The following ATRNL1 variants were observed in gnomAD, a reference collection of about 807,000 sequenced individuals.
The protein encoded by ATRNL1 is attractin-like protein 1.
ATRNL1 carries 95 observed loss-of-function variants against 182.7 expected under a neutral mutation model. The observed-to-expected ratio is 0.52, with a 90% CI of 0.44 to 0.62. ATRNL1 has a LOEUF of 0.62. Among genes scored for constraint, ATRNL1 ranks in the 20% least tolerant of loss-of-function variants. The probability of loss-of-function intolerance (pLI) is 0.00; values close to 1 mark genes in which losing one functional copy is unlikely to be tolerated. For missense variants in ATRNL1, 1,471 were observed against 1,679.5 expected, an observed-to-expected ratio of 0.88 and a Z score of 2.17; for synonymous variants, 576 against 568.3, an observed-to-expected ratio of 1.01 and a Z score of -0.19.
In ATRNL1 at chr10:115,527,521, G is replaced by A. The variant is rs528870079; in HGVS notation, c.3716+8197G>A. Reference sequence around the variant, plus strand: ...CTGTAAAAAATGATTTTGGTAATGTGTTTGTATTTATTTTTGTGTAGTTTA... The same window carrying A: ...CTGTAAAAAATGATTTTGGTAATGTATTTGTATTTATTTTTGTGTAGTTTA... On this transcript the variant is annotated intron_variant, in intron 25 of 28. Coordinates refer to ENST00000355044, the MANE Select transcript of ATRNL1 (RefSeq NM_207303.4). 2.0e-5 allele frequency among the ~76,000 whole-genome samples: 3 copies of A among 152,106 alleles called. No homozygotes were observed. The East Asian group carries it at 5.8e-4, about 30-fold the overall frequency.
At chr10:115,899,209 C>T (rs140315928) in intron 28 of ATRNL1, among the ~76,000 whole-genome samples, 33 of 152,102 alleles carry the variant, frequency 2.2e-4, no homozygotes, top group African/African-American at 7.7e-4. Flanking sequence ...TTGTTCAATT[C>T]CCATCTATGA....
intron 9 of ATRNL1, among the ~76,000 whole-genome samples, chr10:115,226,859 A>G (rs1226013706): frequency 6.6e-6 from 1 of 152,160 alleles, no homozygotes; most frequent in African/African-American, 2.4e-5. Flanking sequence ...ATGATGCTGG[A>G]TAACTGGCTA....
chr10:115,777,933 T>G (rs1367047262), intron 27 of ATRNL1, among the ~76,000 whole-genome samples: 1 of 152,264 alleles, frequency 6.6e-6, no homozygotes, highest in African/African-American at 2.4e-5. Context: ...GTGAAAATTT[T>G]GGGAGTTTCA....
At chr10:115,197,146 CATTTTCTG>C (rs1255591855) in intron 8 of ATRNL1, among the ~76,000 whole-genome samples, 1 of 151,080 alleles carries the variant, frequency 6.6e-6, no homozygotes, top group African/African-American at 2.4e-5. Context: ...TTTGTTTTTT[CATTTTCTG>C]ATTTTTTAAT....
intron 26 of ATRNL1, among the ~76,000 whole-genome samples, chr10:115,679,466 C>A (rs1350460597): frequency 6.6e-6 from 1 of 151,938 alleles, no homozygotes; most frequent in Non-Finnish European, 1.5e-5. Flanking sequence ...ATTCTCAGAT[C>A]TGCTGTATTG....
chr10:115,327,785 G>A (rs1854987792), intron 18 of ATRNL1, among the ~76,000 whole-genome samples: 1 of 151,990 alleles, frequency 6.6e-6, no homozygotes, highest in Admixed American at 6.6e-5. Context: ...GTCCTTTGTA[G>A]GGATATGGAT....
chr10:115,766,204 T>C (rs911500275), intron 27 of ATRNL1, among the ~76,000 whole-genome samples: 1 of 152,226 alleles, frequency 6.6e-6, no homozygotes, highest in Non-Finnish European at 1.5e-5. Context: ...GAAAAAATCA[T>C]AGAAGTCAAA....
intron 28 of ATRNL1, among the ~76,000 whole-genome samples, chr10:115,860,086 G>A (rs1193622393): frequency 6.6e-6 from 1 of 152,156 alleles, no homozygotes; most frequent in African/African-American, 2.4e-5. Context: ...ATATGAGAGA[G>A]TTCATCTTCT....
intron 26 of ATRNL1, among the ~76,000 whole-genome samples, chr10:115,569,776 CT>C (rs10581276): frequency 0.064 from 9,541 of 150,216 alleles, 900 homozygotes; most frequent in African/African-American, 0.21. Context: ...TCTTTAAATA[CT>C]TTTTTTTTTT....
At chr10:115,326,504 C>T (rs1854890118) in intron 18 of ATRNL1, among the ~76,000 whole-genome samples, 1 of 152,226 alleles carries the variant, frequency 6.6e-6, no homozygotes, top group South Asian at 2.1e-4. Flanking sequence ...AATGGCCATA[C>T]TGCCCAAGGT....
chr10:115,777,269 A>G (rs76573012), intron 27 of ATRNL1, among the ~76,000 whole-genome samples: 6,400 of 152,314 alleles, frequency 0.042, 375 homozygotes, highest in African/African-American at 0.13. Flanking sequence ...TTCAAAAAGT[A>G]CAAGGATTTT....
In ATRNL1 at chr10:115,531,456, G is replaced by C. The variant is rs1467142914; in HGVS notation, c.3716+12132G>C. On this transcript the variant is annotated intron_variant, in intron 25 of 28. Coordinates refer to ENST00000355044, the MANE Select transcript of ATRNL1 (RefSeq NM_207303.4). ...GAGAAGTGTCTGTTCATACCCTTTGGCCACTTTTTGATGGGGTTGTTTGTT... is the reference window on the plus strand; with the variant it reads ...GAGAAGTGTCTGTTCATACCCTTTGCCCACTTTTTGATGGGGTTGTTTGTT... 3.9e-5 allele frequency among the ~76,000 whole-genome samples: 6 copies of C among 152,164 alleles called. No homozygotes were observed. In the East Asian group the frequency reaches 7.8e-4, roughly 20 times the overall value.
intron 24 of ATRNL1, among the ~76,000 whole-genome samples, chr10:115,488,999 G>A (rs575631639): frequency 4.3e-4 from 66 of 152,244 alleles, no homozygotes; most frequent in African/African-American, 1.6e-3. Flanking sequence ...AGTCATTCAG[G>A]AGCAGGTTTT....
chr10:115,513,589 G>C (rs1376908106), intron 24 of ATRNL1, among the ~76,000 whole-genome samples: 2 of 151,874 alleles, frequency 1.3e-5, no homozygotes, highest in Admixed American at 1.3e-4. Context: ...TACCCCTTAA[G>C]GAGGGAATCT....
intron 8 of ATRNL1, among the ~76,000 whole-genome samples, chr10:115,204,274 CTT>C (rs1311757161): frequency 2.6e-5 from 4 of 152,006 alleles, no homozygotes; most frequent in Non-Finnish European, 5.9e-5. Context: ...ATTTGGATGT[CTT>C]TCATTTTTTT....
intron 8 of ATRNL1, among the ~76,000 whole-genome samples, chr10:115,201,810 A>C (rs1224937759): frequency 6.6e-6 from 1 of 152,150 alleles, no homozygotes; most frequent in Non-Finnish European, 1.5e-5. Context: ...GAACCTATAA[A>C]TTACCTTGGG....
intron 20 of ATRNL1, among the ~76,000 whole-genome samples, chr10:115,404,869 G>C (rs1844744581): frequency 6.9e-6 from 1 of 145,904 alleles, no homozygotes; most frequent in Non-Finnish European, 1.5e-5. Context: ...TATTGTTTGG[G>C]AGACTAGTAT....
At chr10:115,745,660 A>G (rs1207393408) in intron 27 of ATRNL1, among the ~76,000 whole-genome samples, 1 of 152,086 alleles carries the variant, frequency 6.6e-6, no homozygotes, top group Non-Finnish European at 1.5e-5. Flanking sequence ...TTGTTATTCT[A>G]ATGACTGTGT....
chr10:115,738,888 T>G (rs2134091537), intron 27 of ATRNL1, among the ~76,000 whole-genome samples: 2 of 152,220 alleles, frequency 1.3e-5, no homozygotes, highest in South Asian at 4.1e-4. Context: ...ATGCCCTAGG[T>G]TAACTGTCCT....
Sources: allele counts gnomAD v4.1 joint callset (sites outside exome capture counted in the v4.1 genomes callset), GRCh38; gene constraint gnomAD v4.1.1; transcripts MANE v1.5; gene names NCBI Gene and HGNC (gene_info 2026-07-23, HGNC 2026-07-21).